Variants in C1orf232 observed in about 807,000 individuals in gnomAD.
The protein encoded by C1orf232 is chromosome 1 open reading frame 230.
Under a neutral mutation model 12.1 loss-of-function variants are expected in C1orf232, and 10 were observed. The observed-to-expected ratio is 0.82, with a 90% CI of 0.51 to 1.40. C1orf232 has a LOEUF of 1.40. C1orf232 is among the 40% of genes most tolerant of loss of function. C1orf232 has a pLI of 0.00. For synonymous variants in C1orf232, 36 were observed against 39.8 expected, an observed-to-expected ratio of 0.90 and a Z score of 0.36; for missense variants, 88 against 98.4, an observed-to-expected ratio of 0.89 and a Z score of 0.45.
At chr1:26,167,042 T>C (rs1303060069) in intron 1 of C1orf232, among the ~76,000 whole-genome samples, 4 of 152,316 alleles carry the variant, frequency 2.6e-5, no homozygotes, top group Non-Finnish European at 5.9e-5. Context: ...AGTTACCCAC[T>C]GACATTTCTG....
rs971269332 is a variant in C1orf232, at chr1:26,168,857, A to T, written c.-358T>A. Among the ~76,000 whole-genome samples, 2 of 152,202 alleles carry T rather than the reference A, an allele frequency of 1.3e-5. No homozygotes were observed. The highest frequency in any genetic ancestry group is 4.8e-5 in the African/African-American group (2 of 41,448). ...TCCAGGAAAATCTTCTTCCATTCAC[A>T]AAATCCTGAGGTCTGGGACCCACAC... On this transcript the variant is annotated 5_prime_UTR_variant, in exon 1 of 4. It introduces an in-frame stop codon into an upstream open reading frame of the 5' UTR. Coordinates refer to ENST00000634842, the MANE Select transcript of C1orf232 (RefSeq NM_001364669.2).
chr1:26,167,348 CCTGT>C (rs983674338), intron 1 of C1orf232, among the ~76,000 whole-genome samples: 70 of 152,228 alleles, frequency 4.6e-4, no homozygotes, highest in African/African-American at 1.5e-3. Flanking sequence ...TGCCACCATG[CCTGT>C]CTAATTTTGT....
Position 26,168,706 on chromosome 1 carries a change from C to A in C1orf232, c.-207G>T. On this transcript the variant is annotated 5_prime_UTR_variant, in exon 1 of 4. Transcript: ENST00000634842. ...AGGAGTCGGGGAGTGGGGGATGGAA[C>A]AAGCTTCTGCCACCTTAGCCCCTTG... 1 of 392,312 alleles carries A rather than the reference C, an allele frequency of 2.5e-6. No individual in the cohort carries two copies. Among genetic ancestry groups the A allele is most frequent in the East Asian group, 3.6e-5 (1 of 27,554 alleles). 24.3% of individuals were successfully genotyped at this position (392,312 alleles called of 1,614,324 possible).
chr1:26,165,923 C>A lies in C1orf232; in HGVS notation c.169G>T (p.Val57Phe). 1 of 1,231,770 alleles carries A rather than the reference C, an allele frequency of 8.1e-7. No individual in the cohort carries two copies. The highest frequency in any genetic ancestry group is 1.0e-6 in the Non-Finnish European group (1 of 988,012). The allele number at this position is 1,231,770 out of a possible 1,614,324, so 76.3% of individuals were successfully genotyped here. A position where few individuals can be genotyped will look rare whatever the true frequency, so the allele number is the denominator to read the frequency against. ...CAGCCTTTCACCCCGACCCCCTGAA[C>A]CTGGGAAAGGGGTTGGGAGTCAGGG... ...FNPMSQLARR[V>F]QGVGVKGWLT... Residue 57 changes from valine (V) to phenylalanine (F), a missense_variant and splice_region_variant, in exon 3 of 4, where the codon GTT (valine) becomes TTT (phenylalanine). Coordinates refer to ENST00000634842, the MANE Select transcript of C1orf232 (RefSeq NM_001364669.2).
rs923426776 is a variant in C1orf232 at position 26,168,639 on chromosome 1, C to T, written c.-140G>A. 2.9e-5 allele frequency: 14 copies of T among 478,354 alleles called. No individual in the cohort carries two copies. Among genetic ancestry groups the T allele is most frequent in the African/African-American group, 2.2e-4 (11 of 50,056 alleles). The allele number at this position is 478,354 out of a possible 1,614,324, so 29.6% of individuals were successfully genotyped here. A position where few individuals can be genotyped will look rare whatever the true frequency, so the allele number is the denominator to read the frequency against. ...GTGACTTCATTAAAGATGCACCAGC[C>T]TCCCCAGCTGGCACAGTGCCCAGGA... On this transcript the variant is annotated 5_prime_UTR_variant, in exon 1 of 4. Transcript: ENST00000634842.
intron 1 of C1orf232, among the ~76,000 whole-genome samples, chr1:26,167,481 T>C (rs748760075): frequency 2.0e-5 from 3 of 152,146 alleles, no homozygotes; most frequent in Non-Finnish European, 4.4e-5. Flanking sequence ...CCCACCACCA[T>C]GCCCAGCTAA....
chr1:26,168,434 T>C lies in C1orf232; in HGVS notation c.66A>G (p.Glu22=). ...CACCCACCTCCTCTGCCAGGTCTTC[T>C]TCAGATTCCCCACTCAGGGTCTGTA... ...KVLQTLSGES[E]EDLAEERENP... Residue 22 remains glutamate, a synonymous_variant, in exon 1 of 4, where the codon GAA becomes GAG. Coordinates refer to ENST00000634842, the MANE Select transcript of C1orf232 (RefSeq NM_001364669.2). 1.6e-6 allele frequency: 2 copies of C among 1,231,966 alleles called. No homozygotes were observed. The highest frequency in any genetic ancestry group is 2.0e-6 in the Non-Finnish European group (2 of 988,118). The allele number at this position is 1,231,966 out of a possible 1,614,324, so 76.3% of individuals were successfully genotyped here.
At chr1:26,166,212 C>A in intron 1 of C1orf232, 94 bp from the exon 2 acceptor site, 1 of 882,826 alleles carries the variant, frequency 1.1e-6, no homozygotes, top group Non-Finnish European at 1.5e-6. Context: ...AGACCAGGCA[C>A]CCCAAATCCC....
rs143236876 is a variant in C1orf232, at chr1:26,168,325, C to T, written c.84+91G>A. 430 of 951,878 alleles carry T rather than the reference C, an allele frequency of 4.5e-4. 1 individual carries two copies. In the African/African-American group the frequency reaches 5.8e-3, roughly 13 times the overall value. The allele number at this position is 951,878 out of a possible 1,614,324, so 59.0% of individuals were successfully genotyped here. A position where few individuals can be genotyped will look rare whatever the true frequency, so the allele number is the denominator to read the frequency against. On this transcript the variant is annotated intron_variant, in intron 1 of 3. Coordinates refer to ENST00000634842, the MANE Select transcript of C1orf232 (RefSeq NM_001364669.2). The stretch of plus-strand genomic sequence containing the variant: ...CATCTGCACAAATGTGGCCCCCCCA[C>T]CTCCAAGCCTATCCTGTGCCCCACT...
rs1229892121 is a variant in C1orf232 at position 26,164,114 on chromosome 1, T to A, written c.*47A>T. 1.0e-5 allele frequency: 4 copies of A among 397,694 alleles called. No homozygotes were observed. The East Asian group carries it at 1.4e-4, about 14-fold the overall frequency. The allele number at this position is 397,694 out of a possible 1,614,324, so 24.6% of individuals were successfully genotyped here. A position where few individuals can be genotyped will look rare whatever the true frequency, so the allele number is the denominator to read the frequency against. On this transcript the variant is annotated 3_prime_UTR_variant, in exon 4 of 4. Coordinates refer to ENST00000634842, the MANE Select transcript of C1orf232 (RefSeq NM_001364669.2). This position sits in a 1 kb window ranked among gnomAD's most constrained non-coding sequence, Gnocchi z 4.2. The stretch of plus-strand genomic sequence containing the variant: ...GGTCACACAGGCTGTCGGGCCAGGG[T>A]TTTTTATCAGGGGTGGGAGCAGCGG...
intron 3 of C1orf232, among the ~76,000 whole-genome samples, chr1:26,165,288 A>C (rs983566070): frequency 2.0e-5 from 3 of 152,040 alleles, no homozygotes; most frequent in Non-Finnish European, 4.4e-5. Flanking sequence ...CCCAGGTCCC[A>C]CCCGCTAATC....
Position 26,164,444 on chromosome 1 carries a change from G to C in C1orf232, c.278C>G (p.Ala93Gly). The C allele has an allele frequency of 2.6e-6, 1 of 378,320 alleles. No homozygotes were observed. The highest frequency in any genetic ancestry group is 4.7e-6 in the Non-Finnish European group (1 of 213,044). 23.4% of individuals were successfully genotyped at this position (378,320 alleles called of 1,614,324 possible). ...SEPCADHPLA[A>G]RPPSQAAAAA... is the part of the protein sequence containing the mutation. ...CGCCGCCGCCTGCGAGGGGGGTCGC[G>C]CCGCCAGAGGGCTGCGGGAGAGGGC... The change falls in exon 4 of 4, where the codon GCG becomes GGG. Residue 93 changes from alanine to glycine, a missense_variant. Coordinates refer to ENST00000634842, the MANE Select transcript of C1orf232 (RefSeq NM_001364669.2). The surrounding 1 kb of genome is among the most constrained non-coding windows in gnomAD (Gnocchi z 4.2).
rs923638585 is a variant in C1orf232 at position 26,164,573 on chromosome 1, G to T, written c.267-118C>A. The stretch of plus-strand genomic sequence containing the variant: ...AACCTGGGCGGAGTCAGGGGCAGTG[G>T]TGAGGAGCGGGGTCAGGTGACCAGT... On this transcript the variant is annotated intron_variant, in intron 3 of 3. Coordinates refer to ENST00000634842, the MANE Select transcript of C1orf232 (RefSeq NM_001364669.2). This position sits in a 1 kb window ranked among gnomAD's most constrained non-coding sequence, Gnocchi z 4.2. The T allele has an allele frequency of 5.5e-5, 19 of 347,702 alleles. No individual in the cohort carries two copies. The highest frequency in any genetic ancestry group is 4.1e-4 in the African/African-American group (19 of 46,702). The allele number at this position is 347,702 out of a possible 1,614,324, so 21.5% of individuals were successfully genotyped here.
At chr1:26,167,831 C>G (rs954541098) in intron 1 of C1orf232, among the ~76,000 whole-genome samples, 4 of 152,112 alleles carry the variant, frequency 2.6e-5, no homozygotes, top group Non-Finnish European at 4.4e-5. Context: ...ACCGTGTTGC[C>G]CAGGCTGGTC....
rs2088397101 is a variant in C1orf232, at chr1:26,164,156, GCCTGCTAGTCACC to G, written c.553_*4del. The G allele has an allele frequency of 2.5e-6, 1 of 398,336 alleles. No individual in the cohort carries two copies. The highest frequency in any genetic ancestry group is 4.4e-5 in the Admixed American group (1 of 22,712). 24.7% of individuals were successfully genotyped at this position (398,336 alleles called of 1,614,324 possible). ...GAGCAGCGGGCGCGGGGTTCTGCCA[GCCTGCTAGTCACC>G]CTTGGGCGCAGCCTTCACCCTCATC... is the stretch of plus-strand genomic sequence containing the variant. On this transcript the variant is annotated stop_lost and 3_prime_UTR_variant, in exon 4 of 4. Coordinates refer to ENST00000634842, the MANE Select transcript of C1orf232 (RefSeq NM_001364669.2). This position sits in a 1 kb window ranked among gnomAD's most constrained non-coding sequence, Gnocchi z 4.2.
At chr1:26,168,169 T>C (rs113560860) in intron 1 of C1orf232, among the ~76,000 whole-genome samples, 1,673 of 152,282 alleles carry the variant, frequency 0.011, 30 homozygotes, top group African/African-American at 0.037. Context: ...ATCTCTTCCA[T>C]GTGGCAGCCT....
intron 3 of C1orf232, 120 bp downstream of exon 3, chr1:26,165,706 T>A: frequency 8.1e-7 from 1 of 1,230,662 alleles, no homozygotes; most frequent in African/African-American, 1.6e-5. Flanking sequence ...AGAAACAGCC[T>A]GGGACTGCCC....
At chr1:26,165,159 G>T (rs1345570438) in intron 3 of C1orf232, among the ~76,000 whole-genome samples, 2 of 151,918 alleles carry the variant, frequency 1.3e-5, no homozygotes, top group Non-Finnish European at 2.9e-5. Flanking sequence ...AGGCTGATGG[G>T]TCATGGGGAC....
chr1:26,164,240 G>A lies in C1orf232; in HGVS notation c.482C>T (p.Pro161Leu), dbSNP rs1318344623. The change falls in exon 4 of 4, where the codon CCG becomes CTG. Residue 161 changes from proline to leucine, a missense_variant. Physicochemically the swap from Pro to Leu is moderately conservative, Grantham distance 98 (BLOSUM62 -3). Coordinates refer to ENST00000634842, the MANE Select transcript of C1orf232 (RefSeq NM_001364669.2). This position sits in a 1 kb window ranked among gnomAD's most constrained non-coding sequence, Gnocchi z 4.2. ...AERPESQEAE[P>L]VAGFKWGFLT... ...GAAGCCCCACTTGAAGCCGGCCACC[G>A]GCTCGGCCTCCTGCGACTCGGGGCG... 2.5e-6 allele frequency: 1 copy of A among 398,526 alleles called. No homozygotes were observed. Among genetic ancestry groups the A allele is most frequent in the East Asian group, 3.6e-5 (1 of 28,070 alleles). 24.7% of individuals were successfully genotyped at this position (398,526 alleles called of 1,614,324 possible).
Sources: gnomAD v4.1 joint callset for allele counts (sites outside exome capture counted in the v4.1 genomes callset) on GRCh38, gnomAD v4.1.1 for gene constraint, Gnocchi (gnomAD v3.1) non-coding constraint, MANE v1.5 for transcripts, NCBI Gene and HGNC (gene_info 2026-07-23, HGNC 2026-07-21) for gene names.